Variants in MMP26 observed in about 807,000 individuals in gnomAD.
The protein encoded by MMP26 is matrix metallopeptidase 26.
MMP26 carries 33 observed loss-of-function variants against 31.0 expected under a neutral mutation model. That is an observed-to-expected ratio of 1.06 (90% CI 0.81 to 1.42). The LOEUF is 1.42. Among genes scored for constraint, MMP26 ranks in the 40% most tolerant of loss-of-function variants. MMP26 has a pLI of 0.00. For missense variants in MMP26, 347 were observed against 316.1 expected, an observed-to-expected ratio of 1.10 and a Z score of -0.74; for synonymous variants, 122 against 114.9, an observed-to-expected ratio of 1.06 and a Z score of -0.40.
chr11:4,924,740 A>C (rs1851244940), intron 2 of MMP26, among the ~76,000 whole-genome samples: 2 of 152,202 alleles, frequency 1.3e-5, no homozygotes, highest in Non-Finnish European at 2.9e-5. Context: ...GATTTACACT[A>C]GGTTTGAAAC....
Position 4,992,345 on chromosome 11 carries a change from C to CATT in MMP26, c.*103_*104insATT. The CATT allele has an allele frequency of 2.6e-6, 3 of 1,168,230 alleles. No homozygotes were observed. The highest frequency in any genetic ancestry group is 3.6e-6 in the Non-Finnish European group (3 of 823,560). The allele number at this position is 1,168,230 out of a possible 1,614,324, so 72.4% of individuals were successfully genotyped here. A position where few individuals can be genotyped will look rare whatever the true frequency, so the allele number is the denominator to read the frequency against. On this transcript the variant is annotated 3_prime_UTR_variant, in exon 8 of 8. Coordinates refer to ENST00000380390, the MANE Select transcript of MMP26 (RefSeq NM_021801.5). ...AGCCTTGGGGACTGCTAGGATGAAG[C>CATT]CCTAAAGAATGCAACCTAGTCAGGT...
At chr11:4,777,270 A>T (rs1445890197) in intron 2 of MMP26, among the ~76,000 whole-genome samples, 1 of 152,154 alleles carries the variant, frequency 6.6e-6, no homozygotes, top group Non-Finnish European at 1.5e-5. Flanking sequence ...ATATGTCTAG[A>T]AGTTAAGAAT....
intron 2 of MMP26, among the ~76,000 whole-genome samples, chr11:4,817,516 G>T (rs941463530): frequency 6.6e-6 from 1 of 152,078 alleles, no homozygotes; most frequent in African/African-American, 2.4e-5. Flanking sequence ...GGGCCTGGGA[G>T]GTCAAGGCTG....
At chr11:4,813,487 A>G (rs1441983491) in intron 2 of MMP26, among the ~76,000 whole-genome samples, 1 of 152,030 alleles carries the variant, frequency 6.6e-6, no homozygotes, top group Non-Finnish European at 1.5e-5. Flanking sequence ...TTGGCTTCCC[A>G]AAGTGCTAGG....
intron 2 of MMP26, chr11:4,946,305 C>T (rs1291922410): frequency 6.8e-6 from 11 of 1,613,780 alleles, no homozygotes; most frequent in Non-Finnish European, 9.3e-6. Context: ...ACATGCCGGG[C>T]AAAGCGGTGG....
intron 2 of MMP26, among the ~76,000 whole-genome samples, chr11:4,873,156 G>C (rs1334259513): frequency 6.6e-6 from 1 of 152,080 alleles, no homozygotes; most frequent in African/African-American, 2.4e-5. Context: ...TGGTTCATGA[G>C]ATCTTAAGGA....
intron 2 of MMP26, among the ~76,000 whole-genome samples, chr11:4,813,296 G>T (rs1003080563): frequency 4.6e-5 from 7 of 152,116 alleles, no homozygotes; most frequent in African/African-American, 1.7e-4. Context: ...TGGAAAAATA[G>T]ATCAATACAT....
chr11:4,772,809 G>C (rs1435051901), intron 2 of MMP26, among the ~76,000 whole-genome samples: 1 of 152,116 alleles, frequency 6.6e-6, no homozygotes, highest in East Asian at 1.9e-4. Flanking sequence ...CACATTTGTG[G>C]AGACAGTCTT....
In MMP26 at chr11:4,890,979, GAATAATAATAAT is replaced by G. The variant is rs71050436; in HGVS notation, c.-144-97053_-144-97042del. ...CCTTCCCTGATCTGGAATGAACTCA[GAATAATAATAAT>G]AATAATAATAATAATAATAATAATA... On this transcript the variant is annotated intron_variant, in intron 2 of 7. Transcript: ENST00000380390. 1.9e-3 allele frequency among the ~76,000 whole-genome samples: 263 copies of G among 137,114 alleles called. 1 individual carries two copies. The highest frequency in any genetic ancestry group is 5.3e-3 in the African/African-American group (199 of 37,352). The allele number at this position is 137,114 out of a possible 152,430, so 90.0% of individuals were successfully genotyped here. A position where few individuals can be genotyped will look rare whatever the true frequency, so the allele number is the denominator to read the frequency against.
At position 4,948,900 on chromosome 11, in the gene MMP26, C is replaced by G. The variant is rs1344356897; in HGVS notation, c.-144-39168C>G. On this transcript the variant is annotated intron_variant, in intron 2 of 7. Transcript: ENST00000380390. Reference sequence around the variant, plus strand: ...TGTTGTCAAGAATTCTCTCCTTCCACTGTTGCTTTTTCTCTTAGCTTTCTC... The same window carrying G: ...TGTTGTCAAGAATTCTCTCCTTCCAGTGTTGCTTTTTCTCTTAGCTTTCTC... 4.8e-5 allele frequency among the ~76,000 whole-genome samples: 6 copies of G among 124,728 alleles called. 2 individuals are homozygous for G. The highest frequency in any genetic ancestry group is 1.1e-4 in the Non-Finnish European group (6 of 54,852). 81.8% of individuals were successfully genotyped at this position (124,728 alleles called of 152,430 possible). A position where few individuals can be genotyped will look rare whatever the true frequency, so the allele number is the denominator to read the frequency against.
chr11:4,879,147 T>C (rs571850420), intron 2 of MMP26, among the ~76,000 whole-genome samples: 10 of 152,086 alleles, frequency 6.6e-5, no homozygotes, highest in African/African-American at 2.2e-4. Flanking sequence ...GGCAGGAGAA[T>C]TGCTTGAACC....
At chr11:4,928,224 T>A (rs1851300557) in intron 2 of MMP26, among the ~76,000 whole-genome samples, 1 of 152,162 alleles carries the variant, frequency 6.6e-6, no homozygotes, top group Non-Finnish European at 1.5e-5. Context: ...ACATCCTTCC[T>A]GTTTCAGAGT....
At chr11:4,747,335 A>T (rs1421950156) in intron 1 of MMP26, among the ~76,000 whole-genome samples, 1 of 152,214 alleles carries the variant, frequency 6.6e-6, no homozygotes, top group Non-Finnish European at 1.5e-5. Context: ...AGTTGGTTTT[A>T]TGCAGTATTT....
At chr11:4,978,065 C>T (rs1259346547) in intron 2 of MMP26, among the ~76,000 whole-genome samples, 1 of 152,006 alleles carries the variant, frequency 6.6e-6, no homozygotes, top group Non-Finnish European at 1.5e-5. Context: ...TTATAAGGAG[C>T]TCTTCCGCCT....
intron 1 of MMP26, among the ~76,000 whole-genome samples, chr11:4,708,022 C>G (rs1349726015): frequency 6.6e-6 from 1 of 152,174 alleles, no homozygotes; most frequent in Non-Finnish European, 1.5e-5. Context: ...ATTTATTACT[C>G]TAAGATATTT....
At chr11:4,956,647 CA>C (rs1846447812) in intron 2 of MMP26, among the ~76,000 whole-genome samples, 1 of 152,142 alleles carries the variant, frequency 6.6e-6, no homozygotes. Context: ...TCCTGGGACA[CA>C]ATGTGTTATC....
chr11:4,990,007 G>T, intron 4 of MMP26, 139 bp downstream of exon 4: 1 of 652,098 alleles, frequency 1.5e-6, no homozygotes, highest in South Asian at 1.9e-5. Flanking sequence ...CTCCCTCAGA[G>T]AAGGTAATAC....
chr11:4,705,992 G>A (rs917265364), intron 1 of MMP26, among the ~76,000 whole-genome samples: 1 of 151,498 alleles, frequency 6.6e-6, no homozygotes, highest in Non-Finnish European at 1.5e-5. Context: ...GGTGGTGGTG[G>A]GGGGAGCTGT....
At chr11:4,732,756 G>A (rs1848190404) in intron 1 of MMP26, among the ~76,000 whole-genome samples, 1 of 152,114 alleles carries the variant, frequency 6.6e-6, no homozygotes, top group Non-Finnish European at 1.5e-5. Flanking sequence ...TTGGTGCACT[G>A]TTTTCAAGGT....
Sources: allele counts gnomAD v4.1 joint callset (sites outside exome capture counted in the v4.1 genomes callset), GRCh38; gene constraint gnomAD v4.1.1; transcripts MANE v1.5; gene names NCBI Gene and HGNC (gene_info 2026-07-23, HGNC 2026-07-21).